The following RXRG variants were observed in gnomAD, a reference collection of about 807,000 sequenced individuals.
The protein encoded by RXRG is retinoid X receptor gamma, also known as retinoic acid receptor RXR-gamma.
In RXRG, 19 loss-of-function variants were observed where a neutral mutation model predicts 49.2. The ratio of observed to expected loss-of-function variants is 0.39; its 90% CI spans 0.27 to 0.57. The LOEUF (loss-of-function observed/expected upper bound fraction) is 0.57. RXRG is among the 20% of genes least tolerant of loss of function. The pLI is 0.64. For missense variants in RXRG, 452 were observed against 592.5 expected, an observed-to-expected ratio of 0.76 and a Z score of 2.46; for synonymous variants, 224 against 216.6, an observed-to-expected ratio of 1.03 and a Z score of -0.30.
chr1:165,442,383 C>T (rs1383950368), intron 1 of RXRG, among the ~76,000 whole-genome samples: 1 of 152,226 alleles, frequency 6.6e-6, no homozygotes, highest in South Asian at 2.1e-4. Context: ...TAATTCTTCT[C>T]CTCCCTCAAG....
chr1:165,413,674 A>G (rs942350665), intron 4 of RXRG, among the ~76,000 whole-genome samples: 1 of 152,160 alleles, frequency 6.6e-6, no homozygotes, highest in African/African-American at 2.4e-5. Context: ...CTACATGTAT[A>G]TGACAAGAAA....
At chr1:165,431,477 C>T (rs1388302249) in intron 1 of RXRG, among the ~76,000 whole-genome samples, 1 of 152,180 alleles carries the variant, frequency 6.6e-6, no homozygotes, top group African/African-American at 2.4e-5. Flanking sequence ...GAGTTAGGCG[C>T]CAGCCCTGAT....
chr1:165,429,093 T>A, intron 1 of RXRG, 127 bp from the exon 2 acceptor site: 1 of 1,031,452 alleles, frequency 9.7e-7, no homozygotes, highest in Non-Finnish European at 1.4e-6. Flanking sequence ...TACACACCTG[T>A]AAGCCCTAGG....
At chr1:165,426,398 C>T (rs545095863) in intron 2 of RXRG, among the ~76,000 whole-genome samples, 5 of 152,230 alleles carry the variant, frequency 3.3e-5, no homozygotes, top group African/African-American at 1.2e-4. Flanking sequence ...CTTACACAAC[C>T]CTTCCTTCAC....
chr1:165,418,110 C>CAAAAAAA (rs57782668), intron 3 of RXRG, among the ~76,000 whole-genome samples: 2 of 73,856 alleles, frequency 2.7e-5, no homozygotes, highest in African/African-American at 5.4e-5. Context: ...GATCCCGTCT[C>CAAAAAAA]AAAAAAAAAA....
At chr1:165,406,172 A>G (rs1022166637) in intron 9 of RXRG, among the ~76,000 whole-genome samples, 275 of 75,748 alleles carry the variant, frequency 3.6e-3, no homozygotes, top group Non-Finnish European at 5.7e-3. Context: ...AGAAATACCT[A>G]TACTGCTAGA....
chr1:165,405,391 G>C (rs1254170667), intron 9 of RXRG, among the ~76,000 whole-genome samples: 9 of 152,180 alleles, frequency 5.9e-5, no homozygotes, highest in Admixed American at 5.9e-4. Flanking sequence ...TGAACTACCA[G>C]GTTCACCAAA....
At chr1:165,414,333 C>T (rs1198921828) in intron 4 of RXRG, among the ~76,000 whole-genome samples, 5 of 152,200 alleles carry the variant, frequency 3.3e-5, no homozygotes, top group Non-Finnish European at 5.9e-5. Flanking sequence ...ATAGAAGTGT[C>T]TCTTACAGTT....
Position 165,445,092 on chromosome 1 carries a change from G to A in RXRG, c.-199C>T. On this transcript the variant is annotated 5_prime_UTR_variant, in exon 1 of 10. Coordinates refer to ENST00000359842, the MANE Select transcript of RXRG (RefSeq NM_006917.5). ...GCCTCTAGATCGGAGAGTCCACATA[G>A]TGCGTTTGAGACGGCTGTGGCGGCA... 3.4e-6 allele frequency: 2 copies of A among 581,130 alleles called. No individual in the cohort carries two copies. The highest frequency in any genetic ancestry group is 4.5e-5 in the South Asian group (2 of 44,266). The allele number at this position is 581,130 out of a possible 1,614,324, so 36.0% of individuals were successfully genotyped here.
chr1:165,409,767 C>T (rs1341353602), intron 6 of RXRG, 77 bp from the exon 7 acceptor site: 4 of 1,267,354 alleles, frequency 3.2e-6, no homozygotes, highest in South Asian at 2.6e-5. Context: ...AAGGCATGTA[C>T]TATTATCCCA....
intron 9 of RXRG, among the ~76,000 whole-genome samples, chr1:165,401,919 A>G: frequency 6.6e-6 from 1 of 152,150 alleles, no homozygotes; most frequent in South Asian, 2.1e-4. Flanking sequence ...AGCCCCCACA[A>G]AAAATCTTTT....
chr1:165,410,379 A>T (rs535452488), intron 6 of RXRG, among the ~76,000 whole-genome samples: 1 of 152,294 alleles, frequency 6.6e-6, no homozygotes, highest in African/African-American at 2.4e-5. Context: ...TCTTTATCTC[A>T]CCTATGAAAT....
chr1:165,407,281 A>C (rs752337006), intron 8 of RXRG, among the ~76,000 whole-genome samples: 1 of 152,230 alleles, frequency 6.6e-6, no homozygotes, highest in African/African-American at 2.4e-5. Context: ...CTGAATTGGC[A>C]CATGTCCTGC....
rs565047159 is a variant in RXRG at position 165,407,015 on chromosome 1, C to T, written c.1139-98G>A. On this transcript the variant is annotated intron_variant, in intron 8 of 9. Transcript: ENST00000359842. ...CTCTCTGTAGAGTTACTAGAGACAC[C>T]CTGGATGGGGACAAGTGTGAAATAA... is the stretch of plus-strand genomic sequence containing the variant. 6.4e-6 allele frequency: 5 copies of T among 782,032 alleles called. No homozygotes were observed. In the African/African-American group the frequency reaches 6.8e-5, roughly 11 times the overall value. The allele number at this position is 782,032 out of a possible 1,614,324, so 48.4% of individuals were successfully genotyped here.
At chr1:165,433,222 C>T (rs563635972) in intron 1 of RXRG, among the ~76,000 whole-genome samples, 8 of 152,264 alleles carry the variant, frequency 5.3e-5, no homozygotes, top group African/African-American at 1.7e-4. Context: ...GACACGAACC[C>T]GCTCGTGCCT....
chr1:165,435,375 A>G (rs1423025765), intron 1 of RXRG, among the ~76,000 whole-genome samples: 1 of 152,124 alleles, frequency 6.6e-6, no homozygotes, highest in East Asian at 1.9e-4. Flanking sequence ...CCTCATCCCC[A>G]TTTTACTGAC....
At chr1:165,441,445 G>T (rs757237820) in intron 1 of RXRG, among the ~76,000 whole-genome samples, 3 of 120,420 alleles carry the variant, frequency 2.5e-5, no homozygotes, top group African/African-American at 1.1e-4. Context: ...GAGCTAGTCT[G>T]CCTGGGTTCA....
In RXRG at chr1:165,410,949, C is replaced by T. The variant is rs1402124450; in HGVS notation, c.783G>A (p.Ser261=). The change falls in exon 5 of 10, where the codon TCG becomes TCA. Residue 261 remains serine (S), a splice_region_variant and synonymous_variant. Transcript: ENST00000359842. ...ESYGDMNMEN[S]TNDPVTNICH... ...CACATGTGTGTCTAAGAGCACATAC[C>T]GAGTTCTCCATATTCATGTCACCAT... 6.2e-6 allele frequency: 10 copies of T among 1,613,896 alleles called. No homozygotes were observed. Among genetic ancestry groups the T allele is most frequent in the African/African-American group, 1.3e-5 (1 of 74,900 alleles).
chr1:165,420,750 G>A (rs761624282), intron 2 of RXRG, among the ~76,000 whole-genome samples: 4 of 152,158 alleles, frequency 2.6e-5, no homozygotes, highest in Admixed American at 1.3e-4. Context: ...GTTCACCAAA[G>A]AAAGCAAATT....
Sources: gnomAD v4.1 joint callset for allele counts (sites outside exome capture counted in the v4.1 genomes callset) on GRCh38, gnomAD v4.1.1 for gene constraint, MANE v1.5 for transcripts, NCBI Gene and HGNC (gene_info 2026-07-23, HGNC 2026-07-21) for gene names.